The following LCMT1 variants were observed in gnomAD, a reference collection of about 807,000 sequenced individuals.
The protein encoded by LCMT1 is [Phosphatase 2A protein]-leucine-carboxy methyltransferase 1.
Under a neutral mutation model 47.7 loss-of-function variants are expected in LCMT1, and 32 were observed. That is an observed-to-expected ratio of 0.67 (90% confidence interval 0.51 to 0.90). The LOEUF (loss-of-function observed/expected upper bound fraction) is 0.90. Ranked by LOEUF, LCMT1 falls within the 40% of genes least tolerant of loss-of-function variation. The pLI, the probability that LCMT1 is intolerant of heterozygous loss-of-function variation, is 0.00. For synonymous variants in LCMT1, 152 were observed against 149.7 expected (o/e 1.02, Z -0.11); for missense variants, 375 against 415.2 (o/e 0.90, Z 0.84).
At chr16:25,155,944 T>G (rs768375089) in intron 5 of LCMT1, among the ~76,000 whole-genome samples, 1 of 152,200 alleles carries the variant, frequency 6.6e-6, no homozygotes, top group South Asian at 2.1e-4. Context: ...GACCTCTCAG[T>G]GTTGGGATTA....
intron 10 of LCMT1, 71 bp downstream of exon 10, chr16:25,175,105 C>T: frequency 1.2e-6 from 1 of 823,488 alleles, no homozygotes; most frequent in Non-Finnish European, 2.0e-6. Flanking sequence ...CTTTCCCTTT[C>T]TCTTTCTGTT....
intron 3 of LCMT1, among the ~76,000 whole-genome samples, chr16:25,137,490 G>C (rs991179734): frequency 3.9e-5 from 6 of 152,082 alleles, no homozygotes; most frequent in African/African-American, 1.4e-4. Flanking sequence ...GGTCTCCCAG[G>C]CTGGAGTGCA....
intron 5 of LCMT1, among the ~76,000 whole-genome samples, chr16:25,157,119 A>G (rs1434157218): frequency 1.3e-5 from 2 of 151,948 alleles, no homozygotes; most frequent in Admixed American, 1.3e-4. Flanking sequence ...CGGTGATGGA[A>G]GAGATTATTA....
At chr16:25,132,858 CTTTT>C (rs34311865) in intron 3 of LCMT1, among the ~76,000 whole-genome samples, 33 of 140,586 alleles carry the variant, frequency 2.3e-4, no homozygotes, top group African/African-American at 4.9e-4. Context: ...GCATTTGTAA[CTTTT>C]TTTTTTTTTT....
At chr16:25,140,145 A>G in intron 3 of LCMT1, 26 bp from the exon 4 acceptor site, 2 of 1,548,910 alleles carry the variant, frequency 1.3e-6, no homozygotes, top group Non-Finnish European at 1.8e-6. Context: ...GTAAAGAAAT[A>G]AAAAGTATTG....
chr16:25,166,655 T>C (rs985156886), intron 7 of LCMT1, among the ~76,000 whole-genome samples: 3 of 152,190 alleles, frequency 2.0e-5, no homozygotes, highest in African/African-American at 7.2e-5. Context: ...TCTTTTTTAT[T>C]TTATCACACA....
intron 1 of LCMT1, among the ~76,000 whole-genome samples, chr16:25,113,196 A>G (rs1959683712): frequency 6.7e-6 from 1 of 150,330 alleles, no homozygotes; most frequent in Non-Finnish European, 1.5e-5. Flanking sequence ...GGAAAGTTGT[A>G]GGAGAGTGTT....
intron 4 of LCMT1, among the ~76,000 whole-genome samples, chr16:25,150,046 C>T (rs977504498): frequency 6.6e-6 from 1 of 151,860 alleles, no homozygotes; most frequent in Non-Finnish European, 1.5e-5. Context: ...GGGGCCATTC[C>T]GAGTCTAGTA....
chr16:25,125,230 A>G (rs1960126480), intron 1 of LCMT1, among the ~76,000 whole-genome samples: 1 of 152,244 alleles, frequency 6.6e-6, no homozygotes. Context: ...TGCTGTGGGC[A>G]GCCTTGCATG....
chr16:25,175,635 AAAAT>A (rs890289217), intron 10 of LCMT1, among the ~76,000 whole-genome samples: 32 of 152,036 alleles, frequency 2.1e-4, no homozygotes, highest in Admixed American at 4.6e-4. Flanking sequence ...CCTGTCTCAA[AAAAT>A]AAATAAATAA....
intron 1 of LCMT1, among the ~76,000 whole-genome samples, chr16:25,115,447 G>C (rs1403114053): frequency 1.3e-5 from 2 of 152,154 alleles, no homozygotes; most frequent in Admixed American, 6.5e-5. Context: ...GTGCCGCTAC[G>C]ATCATGTCAG....
chr16:25,149,727 A>G (rs1295580442), intron 4 of LCMT1, among the ~76,000 whole-genome samples: 2 of 152,128 alleles, frequency 1.3e-5, no homozygotes, highest in African/African-American at 4.8e-5. Context: ...CAGCCCAGGC[A>G]ACATGGTGAA....
intron 5 of LCMT1, among the ~76,000 whole-genome samples, chr16:25,152,273 T>G (rs1304879866): frequency 6.6e-6 from 1 of 152,194 alleles, no homozygotes; most frequent in African/African-American, 2.4e-5. Flanking sequence ...GGTTGCTGTT[T>G]AGCCCTTAGG....
At chr16:25,140,473 T>C (rs535659308) in intron 4 of LCMT1, 1 of 509,934 alleles carries the variant, frequency 2.0e-6, no homozygotes, top group African/African-American at 1.9e-5. Context: ...TGGCTCCCCA[T>C]GTAATTACAA....
chr16:25,156,311 A>G (rs1447262062), intron 5 of LCMT1, among the ~76,000 whole-genome samples: 1 of 152,180 alleles, frequency 6.6e-6, no homozygotes, highest in African/African-American at 2.4e-5. Context: ...CTTCCTGAGA[A>G]CAGGGACTGC....
At chr16:25,160,861 A>T (rs907885273) in intron 5 of LCMT1, 114 of 622,934 alleles carry the variant, frequency 1.8e-4, no homozygotes, top group Middle Eastern at 7.7e-4. Flanking sequence ...ATGAGAGGGG[A>T]TGTGTTTTTG....
intron 5 of LCMT1, among the ~76,000 whole-genome samples, chr16:25,157,043 A>G (rs1961280671): frequency 6.6e-6 from 1 of 151,920 alleles, no homozygotes. Context: ...TTTGTCATAG[A>G]AGATACCATG....
In LCMT1 at chr16:25,122,626, G is replaced by A. The variant is rs75510347; in HGVS notation, c.114-5849G>A. Among the ~76,000 whole-genome samples the A allele has an allele frequency of 4.0e-5, 6 of 151,550 alleles. No homozygotes were observed. In the East Asian group the frequency reaches 1.2e-3, roughly 30 times the overall value. On this transcript the variant is annotated intron_variant, in intron 1 of 10. Transcript: ENST00000399069. ...TTACAGGTGCGAGCCACTGCTTCCA[G>A]CCCTTGTTATTTCCTGTTGGACTGT... is the stretch of plus-strand genomic sequence containing the variant.
intron 1 of LCMT1, among the ~76,000 whole-genome samples, chr16:25,118,882 G>A (rs552489405): frequency 6.6e-6 from 1 of 152,266 alleles, no homozygotes; most frequent in East Asian, 1.9e-4. Flanking sequence ...CAGGTCACTC[G>A]AGGGAGGCTC....
Sources: gnomAD v4.1 joint callset for allele counts (sites outside exome capture counted in the v4.1 genomes callset) on GRCh38, gnomAD v4.1.1 for gene constraint, MANE v1.5 for transcripts, NCBI Gene and HGNC (gene_info 2026-07-23, HGNC 2026-07-21) for gene names.